AGBL4: variants seen among roughly 807,000 people sequenced by gnomAD.
AGBL4 encodes the protein AGBL carboxypeptidase 4.
In AGBL4, 58 loss-of-function variants were observed where a neutral mutation model predicts 66.4. The observed-to-expected ratio is 0.87, with a 90% CI of 0.71 to 1.09. The LOEUF is 1.09. Among genes scored for constraint, AGBL4 ranks in the 50% least tolerant of loss-of-function variants. The pLI, the probability that AGBL4 is intolerant of heterozygous loss-of-function variation, is 0.00. For synonymous variants in AGBL4, 234 were observed against 222.9 expected, an observed-to-expected ratio of 1.05 and a Z score of -0.44; for missense variants, 579 against 631.0, an observed-to-expected ratio of 0.92 and a Z score of 0.88.
At chr1:48,719,682 T>C (rs192721901) in intron 6 of AGBL4, among the ~76,000 whole-genome samples, 1 of 152,336 alleles carries the variant, frequency 6.6e-6, no homozygotes, top group East Asian at 1.9e-4. Flanking sequence ...TGCCTATTGC[T>C]CACAATAATT....
In AGBL4 at chr1:49,278,334, A is replaced by G. The variant is rs1323950226; in HGVS notation, c.283-32470T>C. On this transcript the variant is annotated intron_variant, in intron 3 of 13. Coordinates refer to ENST00000371839, the MANE Select transcript of AGBL4 (RefSeq NM_032785.4). ...TTCAATTTGCTTCTCAGGACAGACG[A>G]ATATTTTTTTATTAAAAGCTTTGGT... Among the ~76,000 whole-genome samples the G allele has an allele frequency of 2.0e-5, 3 of 152,224 alleles. No individual in the cohort carries two copies. The East Asian group carries it at 5.8e-4, about 29-fold the overall frequency.
At chr1:49,402,055 G>T (rs1432431684) in intron 3 of AGBL4, among the ~76,000 whole-genome samples, 1 of 151,862 alleles carries the variant, frequency 6.6e-6, no homozygotes, top group African/African-American at 2.4e-5. Flanking sequence ...ATTTATTTGG[G>T]TTTTCTTTCT....
In AGBL4 at chr1:48,586,973, TGGCCCAAGGCTG is replaced by T. The variant is rs1430334479; in HGVS notation, c.1267+19_1267+30del. 1.9e-6 allele frequency: 3 copies of T among 1,608,454 alleles called. No homozygotes were observed. Reference sequence around the variant, plus strand: ...TGGATACTCTCGGCTGGATGAGGGCTGGCCCAAGGCTGGGTGGGGACTAAGGATACAGGCTTC... The same window carrying T: ...TGGATACTCTCGGCTGGATGAGGGCTGGTGGGGACTAAGGATACAGGCTTC... On this transcript the variant is annotated intron_variant, in intron 11 of 13. Transcript: ENST00000371839.
intron 2 of AGBL4, among the ~76,000 whole-genome samples, chr1:49,757,122 T>G (rs967485692): frequency 4.6e-5 from 7 of 152,106 alleles, no homozygotes; most frequent in African/African-American, 1.7e-4. Context: ...TCTCATGAGA[T>G]CTGATGGTTT....
intron 3 of AGBL4, among the ~76,000 whole-genome samples, chr1:49,647,899 A>G (rs913978524): frequency 6.6e-6 from 1 of 151,984 alleles, no homozygotes; most frequent in African/African-American, 2.4e-5. Flanking sequence ...GAACTACAGA[A>G]GATGTCCTCT....
chr1:48,618,181 C>T (rs140220754), intron 9 of AGBL4, among the ~76,000 whole-genome samples: 57 of 152,288 alleles, frequency 3.7e-4, no homozygotes, highest in African/African-American at 1.3e-3. Flanking sequence ...CCAGCCCAGG[C>T]AAGATAGTGG....
intron 9 of AGBL4, among the ~76,000 whole-genome samples, chr1:48,631,024 A>T (rs1385167208): frequency 6.6e-6 from 1 of 152,166 alleles, no homozygotes; most frequent in African/African-American, 2.4e-5. Flanking sequence ...CCAGGCTGTG[A>T]ACTCGGCACC....
intron 3 of AGBL4, among the ~76,000 whole-genome samples, chr1:49,475,882 G>T (rs1446434192): frequency 6.6e-6 from 1 of 151,978 alleles, no homozygotes; most frequent in East Asian, 1.9e-4. Flanking sequence ...AACCAACTTT[G>T]TATGTTGCTG....
At chr1:48,871,529 T>C (rs1376627571) in intron 5 of AGBL4, among the ~76,000 whole-genome samples, 1 of 152,142 alleles carries the variant, frequency 6.6e-6, no homozygotes, top group Admixed American at 6.5e-5. Context: ...TATGCCAGCG[T>C]TGGATCAATC....
At chr1:48,911,365 C>G (rs57035893) in intron 5 of AGBL4, among the ~76,000 whole-genome samples, 16,609 of 152,082 alleles carry the variant, frequency 0.11, 1,017 homozygotes, top group African/African-American at 0.13. Context: ...TGCCTGTAAT[C>G]CCAGCACTTT....
intron 1 of AGBL4, among the ~76,000 whole-genome samples, chr1:49,894,680 G>A (rs919048541): frequency 3.9e-5 from 6 of 152,020 alleles, no homozygotes; most frequent in Non-Finnish European, 8.8e-5. Context: ...GAAAGAATTA[G>A]TGAGCTCAAA....
At chr1:49,195,513 A>T (rs1169147552) in intron 4 of AGBL4, among the ~76,000 whole-genome samples, 2 of 152,150 alleles carry the variant, frequency 1.3e-5, no homozygotes, top group Admixed American at 1.3e-4. Context: ...GTGTCTGCTG[A>T]GAAGTCTGCT....
At chr1:48,841,946 C>T (rs905865186) in intron 6 of AGBL4, among the ~76,000 whole-genome samples, 3 of 152,164 alleles carry the variant, frequency 2.0e-5, no homozygotes, top group Admixed American at 6.6e-5. Context: ...GCAAATCTTA[C>T]GTTCTAAATG....
intron 6 of AGBL4, among the ~76,000 whole-genome samples, chr1:48,798,615 G>A (rs1463970279): frequency 6.6e-6 from 1 of 152,140 alleles, no homozygotes. Context: ...TTTTTCTGAT[G>A]TCATCTTCCA....
At chr1:49,210,034 A>G (rs773285291) in intron 4 of AGBL4, among the ~76,000 whole-genome samples, 87 of 152,100 alleles carry the variant, frequency 5.7e-4, no homozygotes, top group Non-Finnish European at 9.3e-4. Context: ...GAAAAGTGTA[A>G]GACGGGGAGA....
At chr1:49,667,401 C>A (rs1051265785) in intron 3 of AGBL4, among the ~76,000 whole-genome samples, 1 of 151,940 alleles carries the variant, frequency 6.6e-6, no homozygotes, top group Admixed American at 6.6e-5. Context: ...AAGGCTTCAA[C>A]GAGCTGTGAT....
chr1:49,182,189 T>C (rs1396087889), intron 4 of AGBL4, among the ~76,000 whole-genome samples: 1 of 152,210 alleles, frequency 6.6e-6, no homozygotes, highest in African/African-American at 2.4e-5. Flanking sequence ...TCCTTAGAAG[T>C]GGATCCTGAA....
intron 1 of AGBL4, among the ~76,000 whole-genome samples, chr1:49,950,020 ATGTG>A (rs71059568): frequency 0.21 from 28,727 of 138,168 alleles, 3,392 homozygotes; most frequent in East Asian, 0.43. Flanking sequence ...ACACACACAT[ATGTG>A]TGTGTGTGTA....
At chr1:49,429,968 C>T (rs1354584167) in intron 3 of AGBL4, among the ~76,000 whole-genome samples, 1 of 151,970 alleles carries the variant, frequency 6.6e-6, no homozygotes, top group Non-Finnish European at 1.5e-5. Flanking sequence ...CCTCAGTCCC[C>T]AAAGTAGCTG....
Sources: allele counts gnomAD v4.1 joint callset (sites outside exome capture counted in the v4.1 genomes callset), GRCh38; gene constraint gnomAD v4.1.1; transcripts MANE v1.5; gene names NCBI Gene and HGNC (gene_info 2026-07-23, HGNC 2026-07-21).